Variants in VOPP1 observed in about 807,000 individuals in gnomAD.
VOPP1 encodes the protein VOPP1 WW domain binding protein, also known as WW domain binding protein VOPP1.
Under a neutral mutation model 23.5 loss-of-function variants are expected in VOPP1, and 8 were observed. The observed-to-expected ratio is 0.34, with a 90% CI of 0.20 to 0.61. The LOEUF (loss-of-function observed/expected upper bound fraction) is 0.61, where lower values mean the gene tolerates loss of function less well. VOPP1 is among the 20% of genes least tolerant of loss of function. The probability of loss-of-function intolerance (pLI) is 0.78; values close to 1 mark genes in which losing one functional copy is unlikely to be tolerated. For missense variants in VOPP1, 174 were observed against 238.1 expected (o/e 0.73, Z 1.77); for synonymous variants, 83 against 97.3 (o/e 0.85, Z 0.86).
At chr7:55,475,112 C>T (rs935048337) in intron 4 of VOPP1, among the ~76,000 whole-genome samples, 1 of 152,074 alleles carries the variant, frequency 6.6e-6, no homozygotes, top group African/African-American at 2.4e-5. Flanking sequence ...CTGGAAGGCA[C>T]GCAGGGCAAG....
At chr7:55,457,252 A>C (rs890339233) in intron 4 of VOPP1, among the ~76,000 whole-genome samples, 1 of 152,212 alleles carries the variant, frequency 6.6e-6, no homozygotes, top group African/African-American at 2.4e-5. Context: ...ATGTTGCTGC[A>C]AATGATGGAA....
In VOPP1 at chr7:55,497,560, G is replaced by T. The variant is rs889873797; in HGVS notation, c.191+53C>A. ...AAGGCTGTGACAACACTGATGGGGG[G>T]GGGGGGGGGGCAGAGCTCTCGGGGT... On this transcript the variant is annotated intron_variant, in intron 3 of 4. Transcript: ENST00000285279. 3.9e-5 allele frequency: 47 copies of T among 1,191,790 alleles called. No homozygotes were observed. The South Asian group carries it at 4.1e-4, about 10-fold the overall frequency. The allele number at this position is 1,191,790 out of a possible 1,614,324, so 73.8% of individuals were successfully genotyped here.
chr7:55,459,501 A>G (rs887777128), intron 4 of VOPP1, among the ~76,000 whole-genome samples: 1 of 152,106 alleles, frequency 6.6e-6, no homozygotes, highest in African/African-American at 2.4e-5. Context: ...GTCATCCACT[A>G]CTGGGCTTCT....
intron 1 of VOPP1, among the ~76,000 whole-genome samples, chr7:55,539,871 TAAC>T (rs1212164366): frequency 1.4e-5 from 2 of 144,398 alleles, no homozygotes; most frequent in African/African-American, 5.1e-5. Context: ...ACACACAACA[TAAC>T]AAACGGGCGC....
downstream of VOPP1, among the ~76,000 whole-genome samples, chr7:55,465,703 G>A (rs1791614807): frequency 6.6e-6 from 1 of 152,202 alleles, no homozygotes; most frequent in African/African-American, 2.4e-5. Flanking sequence ...TTTTATAGTT[G>A]AGGAAACTGA....
intron 2 of VOPP1, among the ~76,000 whole-genome samples, chr7:55,509,849 G>A (rs988764239): frequency 3.3e-5 from 5 of 152,104 alleles, no homozygotes; most frequent in Non-Finnish European, 5.9e-5. Context: ...TGATTTATTT[G>A]ACTCCCTTTA....
intron 1 of VOPP1, chr7:55,538,727 C>A: frequency 6.9e-7 from 1 of 1,451,316 alleles, no homozygotes; most frequent in South Asian, 1.2e-5. Context: ...TAAAATGAGT[C>A]ATGGCCATTC....
intron 4 of VOPP1, among the ~76,000 whole-genome samples, chr7:55,473,757 AAAG>A: frequency 6.6e-6 from 1 of 152,356 alleles, no homozygotes; most frequent in South Asian, 2.1e-4. Context: ...ATATGTAAAT[AAAG>A]AATCAGACAA....
intron 3 of VOPP1, among the ~76,000 whole-genome samples, chr7:55,494,791 A>G (rs1481163170): frequency 6.6e-6 from 1 of 152,124 alleles, no homozygotes; most frequent in Non-Finnish European, 1.5e-5. Context: ...GAAACTAACA[A>G]AGGGGCAGGA....
At chr7:55,480,165 T>C (rs1792596669) in intron 4 of VOPP1, among the ~76,000 whole-genome samples, 1 of 152,246 alleles carries the variant, frequency 6.6e-6, no homozygotes, top group African/African-American at 2.4e-5. Context: ...TTTGCAGTAA[T>C]TGATACATTC....
intron 4 of VOPP1, among the ~76,000 whole-genome samples, chr7:55,445,202 TACACACACACACAGACAC>T (rs1216646743): frequency 3.5e-5 from 5 of 144,044 alleles, no homozygotes; most frequent in African/African-American, 1.0e-4. Flanking sequence ...TCACTTTCTC[TACACACACACACAGACAC>T]ACACACACAG....
At chr7:55,480,795 G>C (rs1208684474) in intron 4 of VOPP1, among the ~76,000 whole-genome samples, 1 of 152,200 alleles carries the variant, frequency 6.6e-6, no homozygotes, top group East Asian at 1.9e-4. Flanking sequence ...ATGTCCATTT[G>C]TGTGTTCAAC....
At chr7:55,445,433 C>G (rs1791078443) in intron 4 of VOPP1, among the ~76,000 whole-genome samples, 1 of 152,170 alleles carries the variant, frequency 6.6e-6, no homozygotes, top group Non-Finnish European at 1.5e-5. Context: ...AGAAAGCTAA[C>G]AATGATTTTG....
chr7:55,492,715 C>A, intron 3 of VOPP1: 1 of 277,354 alleles, frequency 3.6e-6, no homozygotes, highest in Non-Finnish European at 6.7e-6. Flanking sequence ...AAAGAAAAAG[C>A]TCATGCAGTC....
At position 55,462,960 on chromosome 7, in the gene VOPP1, TTC is replaced by T. The variant is rs747842708; in HGVS notation, n.418-26788_418-26787del. Among the ~76,000 whole-genome samples, 5 of 152,186 alleles carry T rather than the reference TTC, an allele frequency of 3.3e-5. No individual in the cohort carries two copies. In the South Asian group the frequency reaches 6.2e-4, roughly 19 times the overall value. ...TCATTGAACCCTTCAGTCCCAGTAT[TTC>T]TGTTTGGTTCTTTCTTTATGATATC... On this transcript the variant is annotated intron_variant and non_coding_transcript_variant, in intron 4 of 4. Coordinates refer to the VOPP1 transcript ENST00000462326.
intron 2 of VOPP1, chr7:55,515,923 G>A (rs1186561428): frequency 8.3e-6 from 8 of 969,258 alleles, no homozygotes; most frequent in Non-Finnish European, 8.6e-6. Flanking sequence ...CATGCTCCTC[G>A]GTCAGTTCCT....
At chr7:55,436,665 T>C (rs1790836791) in intron 4 of VOPP1, among the ~76,000 whole-genome samples, 2 of 151,604 alleles carry the variant, frequency 1.3e-5, no homozygotes, top group African/African-American at 2.4e-5. Flanking sequence ...TGTGCGTGTG[T>C]GCGTGCGTGT....
At chr7:55,508,246 G>A (rs909943830) in intron 2 of VOPP1, among the ~76,000 whole-genome samples, 2 of 152,136 alleles carry the variant, frequency 1.3e-5, no homozygotes, top group Non-Finnish European at 2.9e-5. Flanking sequence ...AATTACTGCT[G>A]AACTTTGGTA....
chr7:55,523,978 T>C (rs1034351250), intron 1 of VOPP1, among the ~76,000 whole-genome samples: 2 of 152,228 alleles, frequency 1.3e-5, no homozygotes, highest in Non-Finnish European at 1.5e-5. Flanking sequence ...GAAAAGATTA[T>C]AAAAGACTAT....
Sources: allele counts gnomAD v4.1 joint callset (sites outside exome capture counted in the v4.1 genomes callset), GRCh38; gene constraint gnomAD v4.1.1; transcripts MANE v1.5; gene names NCBI Gene and HGNC (gene_info 2026-07-23, HGNC 2026-07-21).